The following LUZP2 variants were observed in gnomAD, a reference collection of about 807,000 sequenced individuals.
The protein encoded by LUZP2 is leucine zipper protein 2.
LUZP2 carries 52 observed loss-of-function variants against 51.6 expected under a neutral mutation model. The observed-to-expected ratio is 1.01, with a 90% CI of 0.81 to 1.27. LUZP2 has a LOEUF of 1.27. Among genes scored for constraint, LUZP2 ranks in the 50% most tolerant of loss-of-function variants. LUZP2 has a pLI of 0.00. For synonymous variants in LUZP2, 154 were observed against 137.3 expected (o/e 1.12, Z -0.85); for missense variants, 436 against 395.4 (o/e 1.10, Z -0.87).
At chr11:24,658,533 A>G (rs1293968713) in intron 1 of LUZP2, among the ~76,000 whole-genome samples, 1 of 152,202 alleles carries the variant, frequency 6.6e-6, no homozygotes, top group Non-Finnish European at 1.5e-5. Flanking sequence ...TTCATGTCTA[A>G]AACACCAAAA....
Position 25,040,812 on chromosome 11 carries a change from G to A in LUZP2, c.766-9226G>A, listed in dbSNP as rs1032960567. On this transcript the variant is annotated intron_variant, in intron 9 of 11. Transcript: ENST00000336930. ...GACTCTAGGAAATTAAATGAAGTCAGTTAAACAAAATGACTATTCCAATCA... is the reference window on the plus strand; with the variant it reads ...GACTCTAGGAAATTAAATGAAGTCAATTAAACAAAATGACTATTCCAATCA... Among the ~76,000 whole-genome samples, 4 of 152,192 alleles carry A rather than the reference G, an allele frequency of 2.6e-5. No homozygotes were observed. In the East Asian group the frequency reaches 7.7e-4, roughly 29 times the overall value.
At chr11:24,815,642 GA>G (rs1850158019) in intron 5 of LUZP2, among the ~76,000 whole-genome samples, 1 of 152,152 alleles carries the variant, frequency 6.6e-6, no homozygotes, top group South Asian at 2.1e-4. Context: ...CTTTTAGTAA[GA>G]ACAGATGGGT....
rs1298121573 is a variant in LUZP2, at chr11:24,611,879, A to C, written c.62+114574A>C. Among the ~76,000 whole-genome samples, 1 of 152,222 alleles carries C rather than the reference A, an allele frequency of 6.6e-6. No individual in the cohort carries two copies. Among genetic ancestry groups the C allele is most frequent in the Non-Finnish European group, 1.5e-5 (1 of 68,024 alleles). On this transcript the variant is annotated intron_variant, in intron 1 of 11. Transcript: ENST00000336930. This position sits in a 1 kb window ranked among gnomAD's most constrained non-coding sequence, Gnocchi z 4.6. ...TAGGAACTGGTTGGAATATTAAAAT[A>C]ATCACAGGAGATAATATAAATGTAG...
intron 7 of LUZP2, among the ~76,000 whole-genome samples, chr11:24,920,810 G>T (rs948470326): frequency 2.0e-5 from 3 of 151,942 alleles, no homozygotes; most frequent in Non-Finnish European, 4.4e-5. Context: ...GGGAAGGAAG[G>T]TACTGGAAGA....
intron 1 of LUZP2, among the ~76,000 whole-genome samples, chr11:24,538,986 A>G (rs10767207): frequency 0.39 from 59,277 of 151,554 alleles, 11,917 homozygotes; most frequent in Middle Eastern, 0.5. Flanking sequence ...TATACAGTAG[A>G]CATATAGACA....
At chr11:24,973,587 A>G (rs1033803725) in intron 7 of LUZP2, among the ~76,000 whole-genome samples, 4 of 151,596 alleles carry the variant, frequency 2.6e-5, no homozygotes, top group Non-Finnish European at 5.9e-5. Context: ...TGGTGCTATA[A>G]ATTTCCTTCT....
intron 7 of LUZP2, among the ~76,000 whole-genome samples, chr11:24,928,923 T>C (rs1323288342): frequency 6.6e-6 from 1 of 152,050 alleles, no homozygotes; most frequent in Non-Finnish European, 1.5e-5. Flanking sequence ...TATTGGTCTC[T>C]TCAGAGTTTC....
At chr11:24,782,653 A>G (rs1174726899) in intron 5 of LUZP2, among the ~76,000 whole-genome samples, 1 of 151,714 alleles carries the variant, frequency 6.6e-6, no homozygotes, top group East Asian at 1.9e-4. Flanking sequence ...TTCCTTTTCT[A>G]TCACCACCAT....
chr11:24,835,145 A>C (rs1425697471), intron 5 of LUZP2, among the ~76,000 whole-genome samples: 1 of 152,158 alleles, frequency 6.6e-6, no homozygotes, highest in Non-Finnish European at 1.5e-5. Flanking sequence ...AGACCTTAGA[A>C]ATAACACCAC....
intron 1 of LUZP2, among the ~76,000 whole-genome samples, chr11:24,657,404 A>T (rs1477982021): frequency 6.6e-6 from 1 of 152,200 alleles, no homozygotes; most frequent in African/African-American, 2.4e-5. Context: ...CTCTCAATAA[A>T]TTAGGTATTG....
intron 1 of LUZP2, among the ~76,000 whole-genome samples, chr11:24,719,951 C>T (rs1200936844): frequency 6.6e-6 from 1 of 152,066 alleles, no homozygotes; most frequent in Admixed American, 6.6e-5. Flanking sequence ...AACAAAAGAT[C>T]GCAAATACAA....
At chr11:25,027,220 T>G (rs1857517946) in intron 9 of LUZP2, among the ~76,000 whole-genome samples, 1 of 152,164 alleles carries the variant, frequency 6.6e-6, no homozygotes, top group African/African-American at 2.4e-5. Flanking sequence ...TTTTGAAATA[T>G]TATTATACAC....
At chr11:24,924,483 A>G (rs2133821554) in intron 7 of LUZP2, among the ~76,000 whole-genome samples, 2 of 152,250 alleles carry the variant, frequency 1.3e-5, no homozygotes, top group Middle Eastern at 3.4e-3. Context: ...AGAAGCACAG[A>G]TCACAGATGT....
chr11:25,008,429 C>A (rs754480384), intron 9 of LUZP2, among the ~76,000 whole-genome samples: 1 of 152,140 alleles, frequency 6.6e-6, no homozygotes, highest in Non-Finnish European at 1.5e-5. Flanking sequence ...ATTGAGGGGG[C>A]GTGTTCCAGC....
intron 9 of LUZP2, among the ~76,000 whole-genome samples, chr11:24,992,224 T>C (rs1856370577): frequency 6.6e-6 from 1 of 152,098 alleles, no homozygotes; most frequent in Non-Finnish European, 1.5e-5. Flanking sequence ...AAACAGGCTG[T>C]AAGAAAATCA....
chr11:24,570,998 A>C (rs1431070444), intron 1 of LUZP2, among the ~76,000 whole-genome samples: 2 of 152,118 alleles, frequency 1.3e-5, no homozygotes, highest in Non-Finnish European at 2.9e-5. Context: ...AAGTTATTCA[A>C]TGAAATATCC....
intron 1 of LUZP2, among the ~76,000 whole-genome samples, chr11:24,561,495 C>T (rs780627643): frequency 2.0e-5 from 3 of 152,084 alleles, no homozygotes; most frequent in Middle Eastern, 3.2e-3. Flanking sequence ...TTAAGAATTA[C>T]GAGTTCATGT....
At chr11:24,895,368 CT>C (rs1215972455) in intron 5 of LUZP2, among the ~76,000 whole-genome samples, 1 of 151,812 alleles carries the variant, frequency 6.6e-6, no homozygotes, top group African/African-American at 2.4e-5. Flanking sequence ...TTAATTTATC[CT>C]TTTTTTCATC....
chr11:24,705,181 C>G (rs1857538786), intron 1 of LUZP2, among the ~76,000 whole-genome samples: 7 of 152,016 alleles, frequency 4.6e-5, no homozygotes, highest in Admixed American at 4.6e-4. Flanking sequence ...AACCTGTCTT[C>G]CTACAACTAC....
Sources: gnomAD v4.1 joint callset for allele counts (sites outside exome capture counted in the v4.1 genomes callset) on GRCh38, gnomAD v4.1.1 for gene constraint, Gnocchi (gnomAD v3.1) non-coding constraint, MANE v1.5 for transcripts, NCBI Gene and HGNC (gene_info 2026-07-23, HGNC 2026-07-21) for gene names.